C16orf89: variants seen among roughly 807,000 people sequenced by gnomAD.
C16orf89 encodes the protein UPF0764 protein C16orf89.
A neutral mutation model predicts 41.5 loss-of-function variants in C16orf89; 57 were observed. The observed-to-expected ratio is 1.38, with a 90% CI of 1.11 to 1.71. The LOEUF is 1.71. Ranked by LOEUF, C16orf89 falls within the 40% of genes most tolerant of loss-of-function variation. The probability of loss-of-function intolerance (pLI) is 0.00; values close to 1 mark genes in which losing one functional copy is unlikely to be tolerated. For synonymous variants in C16orf89, 223 were observed against 190.6 expected (o/e 1.17, Z -1.40); for missense variants, 575 against 445.9 (o/e 1.29, Z -2.61).
chr16:5,053,241 G>A (rs760741088), intron 6 of C16orf89, among the ~76,000 whole-genome samples: 13 of 152,038 alleles, frequency 8.6e-5, no homozygotes, highest in Non-Finnish European at 1.3e-4. Context: ...GTGGTGGCAT[G>A]CACCTGTAGT....
chr16:5,055,592 G>T (rs1344031651), intron 5 of C16orf89: 2 of 1,297,604 alleles, frequency 1.5e-6, no homozygotes, highest in Non-Finnish European at 1.1e-6. Flanking sequence ...GTCAGGATCA[G>T]TGGAGGAGTT....
rs2142585967 is a variant in C16orf89 at position 5,044,140 on chromosome 16, T to C, written c.*208A>G. 2 of 1,283,586 alleles carry C rather than the reference T, an allele frequency of 1.6e-6. No individual in the cohort carries two copies. The highest frequency in any genetic ancestry group is 3.3e-5 in the East Asian group (1 of 30,176). 79.5% of individuals were successfully genotyped at this position (1,283,586 alleles called of 1,614,324 possible). A position where few individuals can be genotyped will look rare whatever the true frequency, so the allele number is the denominator to read the frequency against. On this transcript the variant is annotated 3_prime_UTR_variant, in exon 8 of 8. Coordinates refer to ENST00000472572, the MANE Select transcript of C16orf89 (RefSeq NM_001098514.3). ...CCCTGGGTCAGTTGCAGTTGAACTTTATTCATCCGTTCACACCTGGGTCCC... is the reference window on the plus strand; with the variant it reads ...CCCTGGGTCAGTTGCAGTTGAACTTCATTCATCCGTTCACACCTGGGTCCC...
intron 2 of C16orf89, among the ~76,000 whole-genome samples, chr16:5,061,905 G>A (rs952827487): frequency 1.6e-4 from 24 of 152,148 alleles, no homozygotes; most frequent in African/African-American, 5.8e-4. Flanking sequence ...ACCTTTTGCA[G>A]GGTCACTCGG....
chr16:5,047,162 T>G (rs1447757347), intron 7 of C16orf89, among the ~76,000 whole-genome samples: 2 of 152,176 alleles, frequency 1.3e-5, no homozygotes, highest in Non-Finnish European at 2.9e-5. Context: ...CTCCCCCTTG[T>G]TCAGCCCCTG....
At chr16:5,062,382 A>G in intron 2 of C16orf89, 43 bp downstream of exon 2, 1 of 1,564,324 alleles carries the variant, frequency 6.4e-7, no homozygotes, top group Non-Finnish European at 8.7e-7. Flanking sequence ...ATATCCCCAT[A>G]GGCGCTATTC....
At position 5,044,286 on chromosome 16, in the gene C16orf89, TA is replaced by T; in HGVS notation, c.*61del. ...GATGTGATCCGTGCCCTCCAGGATC[TA>T]AGGGATGAGGACTAAAGGGGTCTGT... On this transcript the variant is annotated 3_prime_UTR_variant, in exon 8 of 8. Transcript: ENST00000472572. The T allele has an allele frequency of 6.6e-7, 1 of 1,509,938 alleles. No individual in the cohort carries two copies. The highest frequency in any genetic ancestry group is 1.3e-5 in the South Asian group (1 of 74,812). The allele number at this position is 1,509,938 out of a possible 1,614,324, so 93.5% of individuals were successfully genotyped here.
chr16:5,048,534 A>G (rs1204580963), intron 6 of C16orf89, among the ~76,000 whole-genome samples: 1 of 152,174 alleles, frequency 6.6e-6, no homozygotes, highest in East Asian at 1.9e-4. Flanking sequence ...CATCAGAACC[A>G]CTGGAGGTGC....
At chr16:5,060,016 T>A (rs796842545) in intron 3 of C16orf89, among the ~76,000 whole-genome samples, 93 of 152,022 alleles carry the variant, frequency 6.1e-4, no homozygotes, top group African/African-American at 2.1e-3. Context: ...CGGAGAGGAA[T>A]TGGGGATTTG....
At chr16:5,049,114 CAAAGAAGGTCATTATATAATGAT>C (rs1427514971) in intron 6 of C16orf89, among the ~76,000 whole-genome samples, 1 of 151,984 alleles carries the variant, frequency 6.6e-6, no homozygotes, top group Non-Finnish European at 1.5e-5. Flanking sequence ...TAAAAAGAGA[CAAAGAAGGTCATTATATAATGAT>C]AAGGAATTTA....
chr16:5,059,182 C>G (rs765432342), intron 3 of C16orf89, among the ~76,000 whole-genome samples: 39 of 151,906 alleles, frequency 2.6e-4, no homozygotes, highest in Non-Finnish European at 4.1e-4. Flanking sequence ...ATCCGGGAGG[C>G]AGAGGTTGCA....
At chr16:5,049,208 A>G (rs1437023997) in intron 6 of C16orf89, among the ~76,000 whole-genome samples, 2 of 152,254 alleles carry the variant, frequency 1.3e-5, no homozygotes, top group African/African-American at 4.8e-5. Flanking sequence ...CCTAAAGCAA[A>G]TGTTATTAGA....
At position 5,065,889 on chromosome 16, in the gene C16orf89, A is replaced by G. The variant is rs756473879; in HGVS notation, c.20T>C (p.Leu7Pro). 3 of 1,613,812 alleles carry G rather than the reference A, an allele frequency of 1.9e-6. No homozygotes were observed. Residue 7 changes from leucine to proline, a missense_variant, in exon 1 of 8, where the codon CTG (leucine) becomes CCG (proline). Coordinates refer to ENST00000472572, the MANE Select transcript of C16orf89 (RefSeq NM_001098514.3). ...CAGTGCTGTCAGTAAGAGCAGGAGC[A>G]GCAGCCCCAGGCTGGCCATGGCCGG... Reference protein sequence around the residue: MASLGLLLLLLLTALPP... With the variant: MASLGLPLLLLLTALPP...
rs752726792 is a variant in C16orf89, at chr16:5,060,429, C to G, written c.366G>C (p.Gln122His). 114 of 1,611,760 alleles carry G rather than the reference C, an allele frequency of 7.1e-5. No homozygotes were observed. The highest frequency in any genetic ancestry group is 9.3e-5 in the Non-Finnish European group (110 of 1,178,988). Residue 122 changes from glutamine (Q) to histidine (H), a missense_variant, in exon 3 of 8, where the codon CAG becomes CAC. By Grantham distance (24) the Gln-to-His change is conservative. Transcript: ENST00000472572. The part of the protein sequence containing the change: ...LSDPKYLREF[Q>H]LTLQPGFWKL... ...TCCAAAACCCGGGCTGGAGGGTCAG[C>G]TGGAACTCTGGCAGAGAGGACAGAT...
chr16:5,060,489 G>A, intron 2 of C16orf89, 53 bp from the exon 3 acceptor site: 1 of 1,547,200 alleles, frequency 6.5e-7, no homozygotes, highest in Non-Finnish European at 8.8e-7. Context: ...CCCAGGAGCA[G>A]TGGGCCACCC....
intron 6 of C16orf89, among the ~76,000 whole-genome samples, chr16:5,049,697 C>G (rs184465067): frequency 1.6e-4 from 25 of 152,148 alleles, no homozygotes; most frequent in African/African-American, 6.0e-4. Flanking sequence ...TGGGATATAG[C>G]AAAACCAGTA....
At chr16:5,048,000 G>T (rs771505631) in intron 6 of C16orf89, 36 bp from the exon 7 acceptor site, 4 of 1,122,822 alleles carry the variant, frequency 3.6e-6, no homozygotes, top group Non-Finnish European at 5.3e-6. Flanking sequence ...TCTCAAGAGA[G>T]ATTTTTATTT....
Position 5,055,308 on chromosome 16 carries a change from A to G in C16orf89, c.806T>C (p.Leu269Pro). 1 of 1,613,346 alleles carries G rather than the reference A, an allele frequency of 6.2e-7. No individual in the cohort carries two copies. Among genetic ancestry groups the G allele is most frequent in the African/African-American group, 1.3e-5 (1 of 74,932 alleles). The change falls in exon 6 of 8, where the codon CTC becomes CCC. Residue 269 changes from leucine (L) to proline (P), a missense_variant. Transcript: ENST00000472572. ...GMGGFSDFYKLRWLEAILSWQ... is the reference protein window; with the variant it reads ...GMGGFSDFYKPRWLEAILSWQ... ...GCTGAGAATGGCCTCCAGCCACCGG[A>G]GCTTGTAGAAGTCGGAGAAGCCGCC...
At chr16:5,062,325 C>T in intron 2 of C16orf89, 100 bp downstream of exon 2, 1 of 1,404,048 alleles carries the variant, frequency 7.1e-7, no homozygotes, top group Non-Finnish European at 9.5e-7. Flanking sequence ...CGGACTGTCC[C>T]AGCCCAGCCT....
At chr16:5,060,254 T>C (rs774317550) in intron 3 of C16orf89, 32 bp downstream of exon 3, 3 of 1,575,320 alleles carry the variant, frequency 1.9e-6, no homozygotes, top group Non-Finnish European at 2.6e-6. Flanking sequence ...TGCGTTTGGG[T>C]TTCCAGCAAA....
Sources: allele counts gnomAD v4.1 joint callset (sites outside exome capture counted in the v4.1 genomes callset), GRCh38; gene constraint gnomAD v4.1.1; transcripts MANE v1.5; gene names NCBI Gene and HGNC (gene_info 2026-07-23, HGNC 2026-07-21).